LCORL: variants seen among roughly 807,000 people sequenced by gnomAD.
LCORL encodes ligand-dependent nuclear receptor corepressor-like protein.
In LCORL, 41 loss-of-function variants were observed where a neutral mutation model predicts 141.8. The observed-to-expected ratio is 0.29, with a 90% CI of 0.23 to 0.38. The LOEUF (loss-of-function observed/expected upper bound fraction) is 0.38, where lower values mean the gene tolerates loss of function less well. Ranked by LOEUF, LCORL falls within the 10% of genes least tolerant of loss-of-function variation. The probability of loss-of-function intolerance (pLI) is 1.00; values close to 1 mark genes in which losing one functional copy is unlikely to be tolerated. For synonymous variants in LCORL, 618 were observed against 694.1 expected (o/e 0.89, Z 1.72); for missense variants, 1,759 against 2,035.0 (o/e 0.86, Z 2.61).
intron 1 of LCORL, among the ~76,000 whole-genome samples, chr4:17,982,839 C>T (rs6810665): frequency 2.6e-5 from 4 of 152,030 alleles, no homozygotes; most frequent in South Asian, 2.1e-4. Context: ...AATCTTTGCC[C>T]GTGCCTATGT....
chr4:17,950,810 T>A (rs907846028), intron 4 of LCORL, among the ~76,000 whole-genome samples: 9 of 151,526 alleles, frequency 5.9e-5, no homozygotes, highest in Non-Finnish European at 2.9e-5. Flanking sequence ...AAAAAAAAAA[T>A]TTAGACCACA....
chr4:17,991,905 T>C (rs1258662663), intron 1 of LCORL, among the ~76,000 whole-genome samples: 4 of 151,956 alleles, frequency 2.6e-5, no homozygotes, highest in East Asian at 1.9e-4. Context: ...CAGAGAGGTG[T>C]ATCTGAAATT....
intron 4 of LCORL, among the ~76,000 whole-genome samples, chr4:17,924,450 C>G (rs1321430257): frequency 6.6e-6 from 1 of 152,172 alleles, no homozygotes; most frequent in African/African-American, 2.4e-5. Flanking sequence ...GAAGCCGGGA[C>G]CAACACTGAG....
At chr4:17,972,124 A>G (rs1332400864) in intron 2 of LCORL, among the ~76,000 whole-genome samples, 1 of 151,852 alleles carries the variant, frequency 6.6e-6, no homozygotes, top group African/African-American at 2.4e-5. Context: ...TAGGTTAGAA[A>G]TATGTTGACC....
chr4:17,882,613 C>T (rs1249841293), intron 6 of LCORL: 1 of 984,456 alleles, frequency 1.0e-6, no homozygotes, highest in East Asian at 1.1e-4. Flanking sequence ...CCTGAACAAA[C>T]TGCAAATTTG....
At chr4:17,922,160 T>C (rs1387992173) in intron 4 of LCORL, among the ~76,000 whole-genome samples, 1 of 152,166 alleles carries the variant, frequency 6.6e-6, no homozygotes, top group African/African-American at 2.4e-5. Flanking sequence ...ATCTATCCTA[T>C]TAGTCCTGTC....
chr4:17,953,260 C>T (rs1352753248), intron 4 of LCORL, among the ~76,000 whole-genome samples: 1 of 152,092 alleles, frequency 6.6e-6, no homozygotes, highest in African/African-American at 2.4e-5. Flanking sequence ...GGGCATACAC[C>T]CAGTAATGGG....
At chr4:17,983,187 G>A (rs1718324655) in intron 1 of LCORL, among the ~76,000 whole-genome samples, 1 of 152,190 alleles carries the variant, frequency 6.6e-6, no homozygotes, top group South Asian at 2.1e-4. Flanking sequence ...ATAGTTTGAA[G>A]TCAGGTAATG....
At chr4:17,917,690 C>T (rs1560339575) in intron 4 of LCORL, among the ~76,000 whole-genome samples, 1 of 152,158 alleles carries the variant, frequency 6.6e-6, no homozygotes, top group Non-Finnish European at 1.5e-5. Flanking sequence ...TGGTTGTCTT[C>T]CAGTTTTGAC....
chr4:17,893,336 C>G, intron 5 of LCORL: 13 of 926,214 alleles, frequency 1.4e-5, no homozygotes, highest in Non-Finnish European at 1.7e-5. Flanking sequence ...ATACAAGACA[C>G]ACAATATGTG....
intron 1 of LCORL, among the ~76,000 whole-genome samples, chr4:17,986,987 C>G (rs558411727): frequency 1.1e-4 from 16 of 151,738 alleles, no homozygotes; most frequent in Non-Finnish European, 1.9e-4. Context: ...TATATTTTTT[C>G]TTACATAAGA....
At chr4:17,918,207 CAAT>C (rs1205222867) in intron 4 of LCORL, among the ~76,000 whole-genome samples, 18 of 152,294 alleles carry the variant, frequency 1.2e-4, no homozygotes, top group Non-Finnish European at 2.4e-4. Context: ...AGAATAACAA[CAAT>C]GACACAGCAA....
chr4:17,875,734 G>C, exon 7 of LCORL: 1 of 1,231,146 alleles, frequency 8.1e-7, no homozygotes, highest in East Asian at 3.2e-5. Context: ...ACAACTTGGG[G>C]ACCTATTTTT....
At chr4:17,876,266 G>A (rs1726909986) in exon 7 of LCORL, 5 of 1,230,890 alleles carry the variant, frequency 4.1e-6, no homozygotes, top group Non-Finnish European at 5.1e-6. Context: ...TAGGCATGCA[G>A]TGACTATTGA....
At chr4:17,849,280 T>A (rs1008709669) in intron 7 of LCORL, among the ~76,000 whole-genome samples, 2 of 152,086 alleles carry the variant, frequency 1.3e-5, no homozygotes, top group African/African-American at 4.8e-5. Flanking sequence ...ACCCCCCAGT[T>A]GGGGCAGACT....
At position 18,021,817 on chromosome 4, in the gene LCORL, C is replaced by A; in HGVS notation, c.-66G>T. The A allele has an allele frequency of 7.7e-7, 1 of 1,304,514 alleles. No homozygotes were observed. Among genetic ancestry groups the A allele is most frequent in the East Asian group, 2.9e-5 (1 of 34,156 alleles). 80.8% of individuals were successfully genotyped at this position (1,304,514 alleles called of 1,614,324 possible). A position where few individuals can be genotyped will look rare whatever the true frequency, so the allele number is the denominator to read the frequency against. On this transcript the variant is annotated 5_prime_UTR_variant, in exon 1 of 8. Transcript: ENST00000635767. This position sits in a 1 kb window ranked among gnomAD's most constrained non-coding sequence, Gnocchi z 5.5. ...CGCAGGCACGAGGCAGGGGCGCGAG[C>A]CCTCGGCGCGAGCCCCGGAGCGCGC...
At chr4:17,933,313 T>C (rs1337335584) in intron 4 of LCORL, among the ~76,000 whole-genome samples, 2 of 152,164 alleles carry the variant, frequency 1.3e-5, no homozygotes, top group Non-Finnish European at 2.9e-5. Context: ...CAATTACACC[T>C]GTGTTGGACT....
intron 1 of LCORL, among the ~76,000 whole-genome samples, chr4:18,011,739 T>C (rs1723831825): frequency 6.6e-6 from 1 of 152,196 alleles, no homozygotes. Context: ...AATTTATGTC[T>C]TTCTTTTGGA....
intron 2 of LCORL, among the ~76,000 whole-genome samples, chr4:17,972,516 CATTT>C (rs1407645584): frequency 5.3e-5 from 8 of 151,508 alleles, no homozygotes; most frequent in East Asian, 1.9e-4. Context: ...ATTTAATTAA[CATTT>C]ATTTATTTAA....
Sources: allele counts gnomAD v4.1 joint callset (sites outside exome capture counted in the v4.1 genomes callset), GRCh38; gene constraint gnomAD v4.1.1; non-coding constraint Gnocchi (gnomAD v3.1); transcripts MANE v1.5; gene names NCBI Gene and HGNC (gene_info 2026-07-23, HGNC 2026-07-21).